WDR70: variants seen among roughly 807,000 people sequenced by gnomAD.
The protein encoded by WDR70 is WD repeat domain 70.
A neutral mutation model predicts 88.6 loss-of-function variants in WDR70; 53 were observed. That is an observed-to-expected ratio of 0.60 (90% CI 0.48 to 0.75). The LOEUF is 0.75. Ranked by LOEUF, WDR70 falls within the 30% of genes least tolerant of loss-of-function variation. The pLI is 0.00. For synonymous variants in WDR70, 280 were observed against 270.0 expected (o/e 1.04, Z -0.36); for missense variants, 610 against 823.2 (o/e 0.74, Z 3.17).
chr5:37,681,594 G>T (rs1345849367), intron 10 of WDR70, among the ~76,000 whole-genome samples: 1 of 152,054 alleles, frequency 6.6e-6, no homozygotes, highest in East Asian at 1.9e-4. Context: ...TTATTTTGAG[G>T]TATGTTTCTT....
chr5:37,620,110 T>C (rs1229249882), intron 10 of WDR70: 1 of 152,138 alleles, frequency 6.6e-6, no homozygotes, highest in African/African-American at 2.4e-5. Flanking sequence ...GTCTTGTTCT[T>C]TATCATTTTT....
intron 5 of WDR70, among the ~76,000 whole-genome samples, chr5:37,400,853 A>G (rs1047146064): frequency 2.6e-5 from 4 of 152,356 alleles, no homozygotes; most frequent in Admixed American, 2.0e-4. Flanking sequence ...AAGTACAGCT[A>G]TGGTCATGAA....
intron 17 of WDR70, among the ~76,000 whole-genome samples, chr5:37,744,372 C>G (rs1355614532): frequency 6.6e-6 from 1 of 152,050 alleles, no homozygotes; most frequent in Non-Finnish European, 1.5e-5. Context: ...TGCCTCTTCT[C>G]CTCCAAATGA....
intron 17 of WDR70, among the ~76,000 whole-genome samples, chr5:37,733,942 C>G (rs75423642): frequency 0.064 from 9,750 of 151,872 alleles, 405 homozygotes; most frequent in South Asian, 0.16. Flanking sequence ...TTTTCTTACA[C>G]TAAATTTATA....
intron 10 of WDR70, among the ~76,000 whole-genome samples, chr5:37,681,912 A>G (rs528745709): frequency 6.6e-6 from 1 of 152,138 alleles, no homozygotes; most frequent in South Asian, 2.1e-4. Context: ...TGTCTGTGCC[A>G]GATTTTGGTG....
chr5:37,443,154 T>C, intron 6 of WDR70, 85 bp from the exon 7 acceptor site: 4 of 1,425,296 alleles, frequency 2.8e-6, no homozygotes, highest in Non-Finnish European at 3.8e-6. Flanking sequence ...ACATAGGGGG[T>C]GGGATTAAAG....
intron 17 of WDR70, among the ~76,000 whole-genome samples, chr5:37,752,039 A>G (rs559949578): frequency 4.6e-5 from 7 of 152,202 alleles, no homozygotes; most frequent in Non-Finnish European, 2.9e-5. Context: ...TATGTGTACT[A>G]TAAACACATA....
At chr5:37,389,468 T>A (rs1458350026) in intron 3 of WDR70, among the ~76,000 whole-genome samples, 1 of 151,966 alleles carries the variant, frequency 6.6e-6, no homozygotes, top group African/African-American at 2.4e-5. Context: ...TGGAGTGCAG[T>A]GGTGCCATCT....
intron 9 of WDR70, among the ~76,000 whole-genome samples, chr5:37,584,397 A>C (rs1391329568): frequency 1.3e-5 from 2 of 152,200 alleles, no homozygotes; most frequent in Admixed American, 6.5e-5. Context: ...TCATTTTTTT[A>C]GTGGAAACTT....
At chr5:37,485,069 C>T (rs1381161308) in intron 8 of WDR70, among the ~76,000 whole-genome samples, 8 of 152,092 alleles carry the variant, frequency 5.3e-5, no homozygotes, top group Admixed American at 1.3e-4. Context: ...ACAATAATGT[C>T]GTCTGCCACA....
At chr5:37,726,755 C>A in intron 16 of WDR70, 128 bp from the exon 17 acceptor site, 3 of 959,238 alleles carry the variant, frequency 3.1e-6, no homozygotes, top group Non-Finnish European at 2.8e-6. Context: ...TGTCATAAAT[C>A]TAAGCTGAAA....
rs565349459 is a variant in WDR70, at chr5:37,396,411, C to G, written c.333C>G (p.Asp111Glu). Residue 111 changes from aspartate to glutamate, a missense_variant, in exon 5 of 18, where the codon GAC (aspartate) becomes GAG (glutamate). Physicochemically the swap from Asp to Glu is conservative, Grantham distance 45. Around this residue, in one of 4 missense-constraint regions of WDR70, gnomAD observed 203 missense variants for 228.1 expected, o/e 0.89. Coordinates refer to ENST00000265107, the MANE Select transcript of WDR70 (RefSeq NM_018034.4). ...TSSSESEQSS[D>E]SSDDELIGPP... The stretch of plus-strand genomic sequence containing the variant: ...GCAGTGAAAGTGAACAGAGTTCTGA[C>G]TCTTCTGATGATGAGTTAATTGGCC... 12 of 1,613,544 alleles carry G rather than the reference C, an allele frequency of 7.4e-6. No homozygotes were observed. In the African/African-American group the frequency reaches 1.6e-4, roughly 22 times the overall value.
intron 10 of WDR70, among the ~76,000 whole-genome samples, chr5:37,622,760 A>T (rs1409100294): frequency 6.6e-6 from 1 of 151,944 alleles, no homozygotes; most frequent in Admixed American, 6.6e-5. Context: ...GGGAGCGGGG[A>T]GGGATAGCAT....
chr5:37,725,550 G>A (rs530537719), intron 16 of WDR70, among the ~76,000 whole-genome samples: 1 of 152,182 alleles, frequency 6.6e-6, no homozygotes, highest in South Asian at 2.1e-4. Context: ...AAGCCAAGCA[G>A]CACTGGCTAA....
chr5:37,454,360 G>A (rs4304095), intron 7 of WDR70, among the ~76,000 whole-genome samples: 63,238 of 151,976 alleles, frequency 0.42, 15,292 homozygotes, highest in Non-Finnish European at 0.54. Flanking sequence ...TAATTGAATA[G>A]TGAGTTTTAT....
chr5:37,520,522 A>C (rs1741052999), intron 9 of WDR70, among the ~76,000 whole-genome samples: 1 of 152,022 alleles, frequency 6.6e-6, no homozygotes, highest in Non-Finnish European at 1.5e-5. Context: ...TGTTTGTTTA[A>C]AGTTATGTTT....
At chr5:37,552,853 TAA>T in intron 9 of WDR70, among the ~76,000 whole-genome samples, 1 of 152,344 alleles carries the variant, frequency 6.6e-6, no homozygotes, top group Non-Finnish European at 1.5e-5. Context: ...TTGACACTCA[TAA>T]TGCTAAGTTA....
intron 7 of WDR70, among the ~76,000 whole-genome samples, chr5:37,450,233 A>C (rs1195057346): frequency 6.6e-6 from 1 of 152,148 alleles, no homozygotes; most frequent in African/African-American, 2.4e-5. Context: ...TTTATAGTAG[A>C]ATGATTTATA....
intron 8 of WDR70, among the ~76,000 whole-genome samples, chr5:37,495,966 T>TTCTG (rs1433340361): frequency 6.6e-6 from 1 of 152,220 alleles, no homozygotes; most frequent in Non-Finnish European, 1.5e-5. Flanking sequence ...TGTGTTCTTA[T>TTCTG]TCTGGGTACT....
Sources: gnomAD v4.1 joint callset for allele counts (sites outside exome capture counted in the v4.1 genomes callset) on GRCh38, gnomAD v4.1.1 for gene constraint, gnomAD v4.1.1 regional missense constraint, MANE v1.5 for transcripts, NCBI Gene and HGNC (gene_info 2026-07-23, HGNC 2026-07-21) for gene names.